The following RALYL variants were observed in gnomAD, a reference collection of about 807,000 sequenced individuals.
RALYL encodes the protein RNA-binding Raly-like protein.
In RALYL, 29 loss-of-function variants were observed where a neutral mutation model predicts 35.1. That is an observed-to-expected ratio of 0.83 (90% confidence interval 0.61 to 1.13). RALYL has a LOEUF of 1.13. Among genes scored for constraint, RALYL ranks in the 50% most tolerant of loss-of-function variants. The probability of loss-of-function intolerance (pLI) is 0.00; values close to 1 mark genes in which losing one functional copy is unlikely to be tolerated. For synonymous variants in RALYL, 120 were observed against 127.6 expected, an observed-to-expected ratio of 0.94 and a Z score of 0.40; for missense variants, 359 against 360.4, an observed-to-expected ratio of 1.00 and a Z score of 0.03.
At chr8:84,230,076 A>G (rs1824954090) in intron 1 of RALYL, among the ~76,000 whole-genome samples, 1 of 152,222 alleles carries the variant, frequency 6.6e-6, no homozygotes, top group Non-Finnish European at 1.5e-5. Context: ...GTATACTCAA[A>G]TAAACAAAGC....
At chr8:84,303,500 T>C (rs188202881) in intron 1 of RALYL, among the ~76,000 whole-genome samples, 8 of 152,328 alleles carry the variant, frequency 5.3e-5, no homozygotes, top group African/African-American at 1.7e-4. Flanking sequence ...AGAGGTACTA[T>C]TGACTTATAC....
chr8:84,893,677 T>G (rs1844256604), intron 8 of RALYL, among the ~76,000 whole-genome samples: 1 of 152,182 alleles, frequency 6.6e-6, no homozygotes, highest in African/African-American at 2.4e-5. Context: ...AATGCCAACA[T>G]AGATTATCTC....
chr8:84,664,263 A>ATTGTTT (rs1831499739), intron 2 of RALYL, among the ~76,000 whole-genome samples: 1 of 58,030 alleles, frequency 1.7e-5, no homozygotes, highest in African/African-American at 7.4e-5. Context: ...ATGCCTCTAG[A>ATTGTTT]TTTTTTTTTT....
At chr8:84,607,822 C>T (rs1365806900) in intron 2 of RALYL, among the ~76,000 whole-genome samples, 1 of 151,926 alleles carries the variant, frequency 6.6e-6, no homozygotes, top group Non-Finnish European at 1.5e-5. Flanking sequence ...GTTCATTTTT[C>T]TCTTTACTGT....
chr8:84,600,824 A>G (rs1258570906), intron 2 of RALYL, among the ~76,000 whole-genome samples: 4 of 152,168 alleles, frequency 2.6e-5, no homozygotes, highest in Non-Finnish European at 4.4e-5. Context: ...AGAAATAAAC[A>G]TCAAACAGAA....
intron 1 of RALYL, among the ~76,000 whole-genome samples, chr8:84,512,147 G>A (rs1006161554): frequency 1.3e-5 from 2 of 151,972 alleles, no homozygotes; most frequent in Admixed American, 1.3e-4. Flanking sequence ...ATAATCATTT[G>A]TATTCCCCCC....
At chr8:84,597,213 C>T (rs28753755) in intron 2 of RALYL, among the ~76,000 whole-genome samples, 4,443 of 152,094 alleles carry the variant, frequency 0.029, 101 homozygotes, top group Middle Eastern at 0.071. Context: ...ATCACCGTGG[C>T]GCTTAGTTTC....
At chr8:84,692,890 G>A (rs1330715896) in intron 2 of RALYL, among the ~76,000 whole-genome samples, 2 of 152,010 alleles carry the variant, frequency 1.3e-5, no homozygotes, top group Non-Finnish European at 2.9e-5. Flanking sequence ...GATCCACGAA[G>A]TGGGATGATG....
At chr8:84,651,180 C>G (rs1828733349) in intron 2 of RALYL, among the ~76,000 whole-genome samples, 1 of 151,576 alleles carries the variant, frequency 6.6e-6, no homozygotes, top group African/African-American at 2.4e-5. Context: ...ATGTAACTAA[C>G]CTGCACATTG....
At chr8:84,627,161 T>C (rs1179687442) in intron 2 of RALYL, among the ~76,000 whole-genome samples, 2 of 152,010 alleles carry the variant, frequency 1.3e-5, no homozygotes, top group African/African-American at 2.4e-5. Flanking sequence ...CAGGGTTGGA[T>C]TGAATGACCT....
chr8:84,218,420 G>T (rs949155001), intron 1 of RALYL, among the ~76,000 whole-genome samples: 2 of 152,030 alleles, frequency 1.3e-5, no homozygotes, highest in African/African-American at 2.4e-5. Context: ...AATGCTGTCA[G>T]TTCAACTGTG....
chr8:84,431,916 T>C (rs1318227128), intron 1 of RALYL, among the ~76,000 whole-genome samples: 1 of 152,144 alleles, frequency 6.6e-6, no homozygotes, highest in Non-Finnish European at 1.5e-5. Context: ...AGTGGGGGGA[T>C]TGCTGGATAA....
chr8:84,241,633 C>T (rs1005001203), intron 1 of RALYL, among the ~76,000 whole-genome samples: 1 of 151,858 alleles, frequency 6.6e-6, no homozygotes, highest in South Asian at 2.1e-4. Flanking sequence ...AAAAAACTAG[C>T]CGGGCTTGGG....
At chr8:84,481,139 C>T (rs964257628) in intron 1 of RALYL, among the ~76,000 whole-genome samples, 2 of 152,066 alleles carry the variant, frequency 1.3e-5, no homozygotes, top group Admixed American at 1.3e-4. Flanking sequence ...GAATTAGGAT[C>T]TGAGAACAGG....
intron 1 of RALYL, among the ~76,000 whole-genome samples, chr8:84,490,799 CTG>C (rs1414263546): frequency 6.6e-6 from 1 of 151,566 alleles, no homozygotes; most frequent in South Asian, 2.1e-4. Flanking sequence ...TGGTAACTGA[CTG>C]TGGAAGATTT....
intron 7 of RALYL, among the ~76,000 whole-genome samples, chr8:84,881,930 C>T (rs1037011255): frequency 2.0e-5 from 3 of 151,908 alleles, no homozygotes; most frequent in African/African-American, 7.2e-5. Flanking sequence ...GAAATTTAAA[C>T]TTGGAATTCC....
At chr8:84,290,045 A>G (rs1838452920) in intron 1 of RALYL, among the ~76,000 whole-genome samples, 1 of 152,242 alleles carries the variant, frequency 6.6e-6, no homozygotes, top group Admixed American at 6.5e-5. Context: ...ATAAAATATT[A>G]GACGCTGATA....
At chr8:84,572,852 C>G (rs1808344487) in intron 2 of RALYL, among the ~76,000 whole-genome samples, 1 of 151,482 alleles carries the variant, frequency 6.6e-6, no homozygotes. Flanking sequence ...TTTGTCCACT[C>G]ACTGTTCTAT....
intron 1 of RALYL, among the ~76,000 whole-genome samples, chr8:84,315,504 T>G (rs930679049): frequency 6.6e-6 from 1 of 152,136 alleles, no homozygotes; most frequent in Non-Finnish European, 1.5e-5. Flanking sequence ...GAATTGCAGG[T>G]CTAGGGGAGA....
Sources: gnomAD v4.1 joint callset for allele counts (sites outside exome capture counted in the v4.1 genomes callset) on GRCh38, gnomAD v4.1.1 for gene constraint, MANE v1.5 for transcripts, NCBI Gene and HGNC (gene_info 2026-07-23, HGNC 2026-07-21) for gene names.